PSMA1: variants seen among roughly 807,000 people sequenced by gnomAD.
PSMA1 encodes proteasome 20S subunit alpha 1, also known as proteasome subunit alpha type-1.
A neutral mutation model predicts 38.4 loss-of-function variants in PSMA1; 3 were observed. The observed-to-expected ratio is 0.08, with a 90% CI of 0.04 to 0.20. The LOEUF is 0.20. PSMA1 is among the 10% of genes least tolerant of loss of function. The probability of loss-of-function intolerance (pLI) is 1.00; values close to 1 mark genes in which losing one functional copy is unlikely to be tolerated. For synonymous variants in PSMA1, 101 were observed against 107.1 expected (o/e 0.94, Z 0.35); for missense variants, 227 against 325.3 (o/e 0.70, Z 2.32).
rs1316650713 is a variant in PSMA1, at chr11:14,564,904, A to T, written c.22-45863T>A. On this transcript the variant is annotated intron_variant, in intron 2 of 10. Coordinates refer to the PSMA1 transcript ENST00000418988. ...GCCTTCCTCCCACCTCAGCCTACCAAGTAGCTGGGACTACAGGTACACATC... is the reference window on the plus strand; with the variant it reads ...GCCTTCCTCCCACCTCAGCCTACCATGTAGCTGGGACTACAGGTACACATC... 2.6e-5 allele frequency among the ~76,000 whole-genome samples: 4 copies of T among 151,984 alleles called. No individual in the cohort carries two copies. In the East Asian group the frequency reaches 7.7e-4, roughly 29 times the overall value.
chr11:14,628,021 G>A (rs894532399), intron 1 of PSMA1, among the ~76,000 whole-genome samples: 3 of 152,168 alleles, frequency 2.0e-5, no homozygotes, highest in Non-Finnish European at 2.9e-5. Flanking sequence ...AGATGAGTGA[G>A]CCTTACCGCT....
At chr11:14,530,346 T>C (rs1851634254) in intron 2 of PSMA1, among the ~76,000 whole-genome samples, 2 of 152,216 alleles carry the variant, frequency 1.3e-5, no homozygotes, top group African/African-American at 4.8e-5. Context: ...GCCACCTTTT[T>C]TGGGCAATTT....
intron 2 of PSMA1, among the ~76,000 whole-genome samples, chr11:14,600,349 C>T (rs1471229984): frequency 1.3e-5 from 2 of 152,236 alleles, no homozygotes; most frequent in Non-Finnish European, 2.9e-5. Flanking sequence ...GCCCTGCCCA[C>T]AGAGGTGAAG....
Position 14,532,742 on chromosome 11 carries a change from G to A in PSMA1, c.22-13701C>T, listed in dbSNP as rs372013328. 2.6e-5 allele frequency among the ~76,000 whole-genome samples: 4 copies of A among 151,888 alleles called. No individual in the cohort carries two copies. In the East Asian group the frequency reaches 5.8e-4, roughly 22 times the overall value. On this transcript the variant is annotated intron_variant, in intron 2 of 10. Coordinates refer to the PSMA1 transcript ENST00000418988. ...GCGGGCAGACCACTTGAGGTCAGGA[G>A]TTGGAGACCACCTTGACCAACATGG...
chr11:14,586,509 C>T (rs1852347639), intron 2 of PSMA1, among the ~76,000 whole-genome samples: 1 of 151,804 alleles, frequency 6.6e-6, no homozygotes, highest in Admixed American at 6.6e-5. Flanking sequence ...GTTTGTTTTT[C>T]ATTATTCTTT....
intron 2 of PSMA1, among the ~76,000 whole-genome samples, chr11:14,585,462 A>G (rs1213585212): frequency 6.6e-6 from 1 of 152,234 alleles, no homozygotes; most frequent in East Asian, 1.9e-4. Flanking sequence ...AGGATGAGTC[A>G]TTGCCAAATT....
intron 1 of PSMA1, among the ~76,000 whole-genome samples, chr11:14,623,307 A>G (rs1335284192): frequency 6.6e-6 from 1 of 152,184 alleles, no homozygotes; most frequent in Non-Finnish European, 1.5e-5. Context: ...TCTGTTCTGT[A>G]TGTGAGTACA....
rs1324205269 is a variant in PSMA1, at chr11:14,510,814, T to C, written c.624+58A>G. Reference sequence around the variant, plus strand: ...TTGCATATATACTCCATTACATTTATGCAATAAAGGTTTAAACTGTAACGT... The same window carrying C: ...TTGCATATATACTCCATTACATTTACGCAATAAAGGTTTAAACTGTAACGT... On this transcript the variant is annotated intron_variant, in intron 8 of 9. Transcript: ENST00000396394. The C allele has an allele frequency of 5.7e-6, 7 of 1,227,092 alleles. No individual in the cohort carries two copies. The East Asian group carries it at 7.3e-5, about 13-fold the overall frequency. 76.0% of individuals were successfully genotyped at this position (1,227,092 alleles called of 1,614,324 possible). A position where few individuals can be genotyped will look rare whatever the true frequency, so the allele number is the denominator to read the frequency against.
intron 2 of PSMA1, among the ~76,000 whole-genome samples, chr11:14,549,744 C>T (rs919386869): frequency 5.3e-5 from 8 of 150,666 alleles, no homozygotes; most frequent in East Asian, 3.9e-4. Flanking sequence ...CCTCATACAA[C>T]GTGGCAATAG....
intron 2 of PSMA1, among the ~76,000 whole-genome samples, chr11:14,588,632 T>A (rs909686534): frequency 6.6e-6 from 1 of 152,216 alleles, no homozygotes; most frequent in Admixed American, 6.5e-5. Flanking sequence ...TAAAATTGGC[T>A]TTGAAACAGC....
chr11:14,596,939 A>C (rs899282639), intron 2 of PSMA1, among the ~76,000 whole-genome samples: 2 of 152,230 alleles, frequency 1.3e-5, no homozygotes, highest in East Asian at 3.9e-4. Context: ...AGTTTATTGA[A>C]AGTTTTTAGC....
At chr11:14,508,220 T>A (rs953662516) in intron 8 of PSMA1, among the ~76,000 whole-genome samples, 2 of 152,198 alleles carry the variant, frequency 1.3e-5, no homozygotes, top group African/African-American at 2.4e-5. Flanking sequence ...ACTTCTAACA[T>A]TCTCCAAGCT....
At chr11:14,524,554 C>G (rs1202207234), upstream of PSMA1, among the ~76,000 whole-genome samples, 1 of 152,072 alleles carries the variant, frequency 6.6e-6, no homozygotes. Flanking sequence ...CCCAAAACCT[C>G]TAAGAACTAA....
chr11:14,571,458 A>G (rs1669551936), intron 2 of PSMA1, among the ~76,000 whole-genome samples: 1 of 152,164 alleles, frequency 6.6e-6, no homozygotes, highest in African/African-American at 2.4e-5. Context: ...CTTTACAGAC[A>G]ATGCAGAGAG....
intron 2 of PSMA1, among the ~76,000 whole-genome samples, chr11:14,610,210 A>G (rs1208903568): frequency 6.6e-6 from 1 of 152,202 alleles, no homozygotes; most frequent in African/African-American, 2.4e-5. Context: ...AAATCTTCAC[A>G]TGATGGCAGC....
chr11:14,529,337 A>T (rs1851621355), intron 2 of PSMA1, among the ~76,000 whole-genome samples: 3 of 152,218 alleles, frequency 2.0e-5, no homozygotes, highest in Non-Finnish European at 4.4e-5. Flanking sequence ...TTCACTCCAC[A>T]TGTTAAAACA....
At chr11:14,571,398 A>G (rs1852138291) in intron 2 of PSMA1, among the ~76,000 whole-genome samples, 1 of 152,162 alleles carries the variant, frequency 6.6e-6, no homozygotes, top group East Asian at 1.9e-4. Flanking sequence ...TCAACCCAGA[A>G]TTTCATATCC....
At chr11:14,520,578 C>G, upstream of PSMA1, 1 of 976,534 alleles carries the variant, frequency 1.0e-6, no homozygotes, top group Non-Finnish European at 1.4e-6. Flanking sequence ...AGCTGCGGGG[C>G]AGCCCCTGTC....
At chr11:14,521,774 A>C (rs1167037749), upstream of PSMA1, among the ~76,000 whole-genome samples, 4 of 151,508 alleles carry the variant, frequency 2.6e-5, no homozygotes, top group Non-Finnish European at 5.9e-5. Context: ...TCAAAAAAAA[A>C]AAAACAAAAA....
Sources: gnomAD v4.1 joint callset for allele counts (sites outside exome capture counted in the v4.1 genomes callset) on GRCh38, gnomAD v4.1.1 for gene constraint, MANE v1.5 for transcripts, NCBI Gene and HGNC (gene_info 2026-07-23, HGNC 2026-07-21) for gene names.